The following DOCK1 variants were observed in gnomAD, a reference collection of about 807,000 sequenced individuals.
DOCK1 encodes the protein dedicator of cytokinesis 1, also known as dedicator of cytokinesis protein 1.
In DOCK1, 138 loss-of-function variants were observed where a neutral mutation model predicts 262.7. That is an observed-to-expected ratio of 0.53 (90% confidence interval 0.46 to 0.61). The LOEUF (loss-of-function observed/expected upper bound fraction) is 0.61, where lower values mean the gene tolerates loss of function less well. Ranked by LOEUF, DOCK1 falls within the 20% of genes least tolerant of loss-of-function variation. The pLI is 0.00. For missense variants in DOCK1, 1,908 were observed against 2,370.7 expected (o/e 0.80, Z 4.05); for synonymous variants, 866 against 867.4 (o/e 1.00, Z 0.03).
intron 1 of DOCK1, among the ~76,000 whole-genome samples, chr10:126,952,931 GTAT>G (rs2036425924): frequency 1.1e-5 from 1 of 92,074 alleles, no homozygotes; most frequent in Non-Finnish European, 2.2e-5. Flanking sequence ...ATTGTTGGTA[GTAT>G]TGTTGGTGAT....
intron 1 of DOCK1, among the ~76,000 whole-genome samples, chr10:126,965,783 A>G (rs2037628326): frequency 6.6e-6 from 1 of 152,136 alleles, no homozygotes; most frequent in Non-Finnish European, 1.5e-5. Context: ...AATTGTATGT[A>G]TTTATGGGGT....
chr10:127,215,329 A>G (rs1410179096), intron 27 of DOCK1, among the ~76,000 whole-genome samples: 1 of 151,968 alleles, frequency 6.6e-6, no homozygotes, highest in Non-Finnish European at 1.5e-5. Flanking sequence ...TGCAGCATCC[A>G]TGGAGCACTA....
At chr10:127,339,657 G>C (rs951304231) in intron 30 of DOCK1, among the ~76,000 whole-genome samples, 2 of 148,530 alleles carry the variant, frequency 1.3e-5, no homozygotes, top group Non-Finnish European at 1.5e-5. Context: ...GTGCGCGCGC[G>C]CATGCATGCT....
intron 1 of DOCK1, among the ~76,000 whole-genome samples, chr10:126,949,809 C>T (rs939616046): frequency 5.9e-5 from 9 of 151,902 alleles, no homozygotes; most frequent in Non-Finnish European, 1.2e-4. Flanking sequence ...TTTGACATGT[C>T]TCTGGCTGGT....
chr10:127,363,934 A>G lies in DOCK1; in HGVS notation c.3432+1722A>G, dbSNP rs376853767. 6.6e-5 allele frequency among the ~76,000 whole-genome samples: 10 copies of G among 152,360 alleles called. No homozygotes were observed. The East Asian group carries it at 1.9e-3, about 29-fold the overall frequency. ...TAAGTCTCCAATTCAAGCTTGTAAC[A>G]TTGGCATGAAATAGAATCTACCAGA... On this transcript the variant is annotated intron_variant, in intron 33 of 51. Coordinates refer to ENST00000623213, the MANE Select transcript of DOCK1 (RefSeq NM_001290223.2).
chr10:127,179,974 C>T (rs946601063), intron 27 of DOCK1, among the ~76,000 whole-genome samples: 1 of 152,102 alleles, frequency 6.6e-6, no homozygotes, highest in Non-Finnish European at 1.5e-5. Flanking sequence ...ATTGAGAAAC[C>T]GAGGCACACG....
intron 29 of DOCK1, among the ~76,000 whole-genome samples, chr10:127,328,312 G>C (rs914320071): frequency 2.0e-5 from 3 of 152,168 alleles, no homozygotes; most frequent in African/African-American, 7.2e-5. Flanking sequence ...TCTTTTGTAA[G>C]GATCCTATTT....
At chr10:127,266,611 C>T (rs773233916) in intron 29 of DOCK1, among the ~76,000 whole-genome samples, 1 of 152,078 alleles carries the variant, frequency 6.6e-6, no homozygotes, top group Non-Finnish European at 1.5e-5. Context: ...CATGAAGTGC[C>T]TCCTCTGGCA....
At position 127,176,312 on chromosome 10, in the gene DOCK1, C is replaced by T. The variant is rs772129249; in HGVS notation, c.2847+48548C>T. The T allele has an allele frequency of 6.2e-7, 1 of 1,614,116 alleles. No individual in the cohort carries two copies. Among genetic ancestry groups the T allele is most frequent in the South Asian group, 1.1e-5 (1 of 91,066 alleles). ...GCCGGTTGGGGTCCAGGGCGTATTT[C>T]ATCTCCAGGGCCAGGCAGGCGGCGG... On this transcript the variant is annotated intron_variant, in intron 27 of 51. Coordinates refer to ENST00000623213, the MANE Select transcript of DOCK1 (RefSeq NM_001290223.2). The surrounding 1 kb of genome is among the most constrained non-coding windows in gnomAD (Gnocchi z 4.4).
In DOCK1 at chr10:127,440,579, G is replaced by A. The variant is rs2070044791; in HGVS notation, c.5259+1354G>A. Among the ~76,000 whole-genome samples the A allele has an allele frequency of 2.0e-5, 3 of 152,164 alleles. No homozygotes were observed. The South Asian group carries it at 6.2e-4, about 32-fold the overall frequency. Reference sequence around the variant, plus strand: ...GGGCGTCGGCGGGCTGTGATTAGAGGGTTAGACATACTGCACTGCTTGTTT... The same window carrying A: ...GGGCGTCGGCGGGCTGTGATTAGAGAGTTAGACATACTGCACTGCTTGTTT... On this transcript the variant is annotated intron_variant, in intron 49 of 51. Transcript: ENST00000623213.
At chr10:127,342,197 A>T (rs946224348) in intron 30 of DOCK1, among the ~76,000 whole-genome samples, 1 of 152,062 alleles carries the variant, frequency 6.6e-6, no homozygotes, top group African/African-American at 2.4e-5. Flanking sequence ...TGAGCCCCTG[A>T]CCATGATTCT....
chr10:127,339,835 A>C (rs1373769256), intron 30 of DOCK1, among the ~76,000 whole-genome samples: 1 of 151,984 alleles, frequency 6.6e-6, no homozygotes, highest in East Asian at 1.9e-4. Flanking sequence ...TTCTGCTAAT[A>C]ATGATTTTAT....
intron 1 of DOCK1, among the ~76,000 whole-genome samples, chr10:126,938,086 G>T (rs1312577365): frequency 6.9e-6 from 1 of 145,940 alleles, no homozygotes; most frequent in African/African-American, 2.6e-5. Flanking sequence ...CACTCTTTTC[G>T]CCCAGGCTGG....
intron 12 of DOCK1, among the ~76,000 whole-genome samples, chr10:127,017,416 G>C (rs763702004): frequency 1.3e-5 from 2 of 151,244 alleles, no homozygotes; most frequent in Non-Finnish European, 1.5e-5. Flanking sequence ...CATACATACA[G>C]ATACAGAAAG....
rs762779861 is a variant in DOCK1 at position 127,176,102 on chromosome 10, G to A, written c.2847+48338G>A. ...TCTGCACGCCTGTGCTCTTGGTGAC[G>A]TTGGGGATGGACCTGCGTGCGGGCA... is the stretch of plus-strand genomic sequence containing the variant. On this transcript the variant is annotated intron_variant, in intron 27 of 51. Transcript: ENST00000623213. The surrounding 1 kb of genome is among the most constrained non-coding windows in gnomAD (Gnocchi z 4.4). The A allele has an allele frequency of 7.4e-6, 12 of 1,614,048 alleles. No individual in the cohort carries two copies. The highest frequency in any genetic ancestry group is 9.3e-6 in the Non-Finnish European group (11 of 1,180,050).
chr10:127,324,161 C>T (rs549684692), intron 29 of DOCK1, among the ~76,000 whole-genome samples: 7 of 152,286 alleles, frequency 4.6e-5, no homozygotes, highest in Non-Finnish European at 8.8e-5. Flanking sequence ...GGGGAGAATC[C>T]GCTTCTGATG....
chr10:127,332,495 C>A (rs1042418804), intron 29 of DOCK1, among the ~76,000 whole-genome samples: 3 of 152,222 alleles, frequency 2.0e-5, no homozygotes, highest in Non-Finnish European at 4.4e-5. Context: ...CCTCAGGCAC[C>A]CCCTCCACCC....
chr10:126,965,558 G>A (rs1161180527), intron 1 of DOCK1, among the ~76,000 whole-genome samples: 1 of 152,082 alleles, frequency 6.6e-6, no homozygotes, highest in East Asian at 1.9e-4. Flanking sequence ...TCCTGGGAGG[G>A]AAGTCCCAGG....
chr10:126,951,747 C>G (rs937596509), intron 1 of DOCK1, among the ~76,000 whole-genome samples: 6 of 151,956 alleles, frequency 3.9e-5, no homozygotes, highest in African/African-American at 1.4e-4. Flanking sequence ...TAAGGACTTC[C>G]TAGAACTAAA....
Sources: allele counts gnomAD v4.1 joint callset (sites outside exome capture counted in the v4.1 genomes callset), GRCh38; gene constraint gnomAD v4.1.1; non-coding constraint Gnocchi (gnomAD v3.1); transcripts MANE v1.5; gene names NCBI Gene and HGNC (gene_info 2026-07-23, HGNC 2026-07-21).